HOXD13: variants seen among roughly 807,000 people sequenced by gnomAD.
HOXD13 encodes homeobox D13.
Under a neutral mutation model 27.3 loss-of-function variants are expected in HOXD13, and 16 were observed. That is an observed-to-expected ratio of 0.59 (90% CI 0.40 to 0.89). The LOEUF is 0.89. Among genes scored for constraint, HOXD13 ranks in the 40% least tolerant of loss-of-function variants. The probability of loss-of-function intolerance (pLI) is 0.00; values close to 1 mark genes in which losing one functional copy is unlikely to be tolerated. For missense variants in HOXD13, 481 were observed against 482.6 expected (o/e 1.00, Z 0.03); for synonymous variants, 241 against 219.0 (o/e 1.10, Z -0.89).
upstream of HOXD13, among the ~76,000 whole-genome samples, chr2:176,088,250 C>G (rs901715513): frequency 2.0e-5 from 3 of 152,268 alleles, no homozygotes; most frequent in Admixed American, 6.5e-5. Context: ...AGGGAAGACT[C>G]AGATTTCGAG....
upstream of HOXD13, among the ~76,000 whole-genome samples, chr2:176,090,224 C>T (rs1454854783): frequency 6.6e-6 from 1 of 152,214 alleles, no homozygotes; most frequent in Non-Finnish European, 1.5e-5. Context: ...GGCTGGGACC[C>T]CAAAGGCTAT....
chr2:176,092,897 C>A lies in HOXD13; in HGVS notation c.7C>A (p.Arg3Ser). MS[R>S]AGSWDMDGLR... is the part of the protein sequence containing the mutation. ...GGCCGGGCCAGGCCGGGCCATGAGC[C>A]GCGCCGGGAGCTGGGACATGGACGG... Residue 3 changes from arginine (R) to serine (S), a missense_variant, in exon 1 of 2, where the codon CGC (arginine) becomes AGC (serine). Transcript: ENST00000392539. 2 of 1,276,848 alleles carry A rather than the reference C, an allele frequency of 1.6e-6. No individual in the cohort carries two copies. Among genetic ancestry groups the A allele is most frequent in the Non-Finnish European group, 9.8e-7 (1 of 1,016,326 alleles). 79.1% of individuals were successfully genotyped at this position (1,276,848 alleles called of 1,614,324 possible).
At chr2:176,093,874 C>A (rs1402454807) in intron 1 of HOXD13, among the ~76,000 whole-genome samples, 1 of 152,192 alleles carries the variant, frequency 6.6e-6, no homozygotes, top group Non-Finnish European at 1.5e-5. Context: ...TCCGTCACTG[C>A]CCTTTCTTTC....
At position 176,094,589 on chromosome 2, in the gene HOXD13, T is replaced by C; in HGVS notation, c.891T>C (p.Ile297=). 1 of 1,614,096 alleles carries C rather than the reference T, an allele frequency of 6.2e-7. No homozygotes were observed. The highest frequency in any genetic ancestry group is 8.5e-7 in the Non-Finnish European group (1 of 1,179,984). Residue 297 remains isoleucine, a synonymous_variant, in exon 2 of 2, where the codon ATT becomes ATC. Transcript: ENST00000392539. ...QLKELENEYA[I]NKFINKDKRR... ...AAGAACTGGAGAACGAGTATGCCAT[T>C]AACAAATTCATTAACAAGGACAAGC... is the stretch of plus-strand genomic sequence containing the variant.
upstream of HOXD13, among the ~76,000 whole-genome samples, chr2:176,092,077 C>T (rs1349947862): frequency 6.6e-6 from 1 of 152,108 alleles, no homozygotes; most frequent in Non-Finnish European, 1.5e-5. Flanking sequence ...GCCGCCAGCC[C>T]CAAGGGCGCT....
In HOXD13 at chr2:176,093,168, C is replaced by T. The variant is rs746687888; in HGVS notation, c.278C>T (p.Ala93Val). ...TCTTCCTCGTCGTCGTCCTCTTCTG[C>T]CGTTGTAGCGGCGCGCCCGGAGGCT... ...TGSSSSSSSS[A>V]VVAARPEAPP... is the part of the protein sequence containing the mutation. Residue 93 changes from alanine (A) to valine (V), a missense_variant, in exon 1 of 2, where the codon GCC becomes GTC. Transcript: ENST00000392539. 2 of 1,608,220 alleles carry T rather than the reference C, an allele frequency of 1.2e-6. No individual in the cohort carries two copies. The highest frequency in any genetic ancestry group is 4.5e-5 in the East Asian group (2 of 44,822).
upstream of HOXD13, among the ~76,000 whole-genome samples, chr2:176,090,076 TAAAC>T (rs1054077929): frequency 3.9e-5 from 6 of 152,270 alleles, no homozygotes; most frequent in Non-Finnish European, 8.8e-5. Context: ...CATTAGTTCA[TAAAC>T]AAAGCAGCCC....
chr2:176,093,151 G>A lies in HOXD13; in HGVS notation c.261G>A (p.Ser87=), dbSNP rs1559107955. The part of the protein sequence containing the change: ...PGTSERTGSS[S]SSSSSAVVAA... ...CCTCTGAGCGCACGGGCTCTTCCTC[G>A]TCGTCGTCCTCTTCTGCCGTTGTAG... Residue 87 remains serine, a synonymous_variant, in exon 1 of 2, where the codon TCG becomes TCA. Coordinates refer to ENST00000392539, the MANE Select transcript of HOXD13 (RefSeq NM_000523.4). 1.2e-6 allele frequency: 2 copies of A among 1,606,760 alleles called. No individual in the cohort carries two copies. The highest frequency in any genetic ancestry group is 8.5e-7 in the Non-Finnish European group (1 of 1,179,414).
chr2:176,091,483 C>G (rs1282209077), upstream of HOXD13, among the ~76,000 whole-genome samples: 1 of 152,136 alleles, frequency 6.6e-6, no homozygotes, highest in Non-Finnish European at 1.5e-5. Context: ...GGCTGGAGCT[C>G]TGAGGCTGAG....
At position 176,093,005 on chromosome 2, in the gene HOXD13, C is replaced by A; in HGVS notation, c.115C>A (p.Gln39Lys). The A allele has an allele frequency of 7.2e-7, 1 of 1,385,646 alleles. No individual in the cohort carries two copies. Among genetic ancestry groups the A allele is most frequent in the Admixed American group, 3.4e-5 (1 of 29,704 alleles). The allele number at this position is 1,385,646 out of a possible 1,614,324, so 85.8% of individuals were successfully genotyped here. A position where few individuals can be genotyped will look rare whatever the true frequency, so the allele number is the denominator to read the frequency against. Residue 39 changes from glutamine to lysine, a missense_variant, in exon 1 of 2, where the codon CAG (glutamine) becomes AAG (lysine). Gln to Lys is a moderately conservative substitution (Grantham distance 53, BLOSUM62 1). Coordinates refer to ENST00000392539, the MANE Select transcript of HOXD13 (RefSeq NM_000523.4). ...SSVAAAAASG[Q>K]CRGFLSAPVF... The stretch of plus-strand genomic sequence containing the variant: ...GGTGGCGGCGGCGGCGGCGTCAGGC[C>A]AGTGCCGCGGCTTTCTCTCCGCGCC...
rs1689340020 is a variant in HOXD13, at chr2:176,092,776, G to A, written c.-115G>A. 1.6e-6 allele frequency: 1 copy of A among 634,074 alleles called. No homozygotes were observed. The highest frequency in any genetic ancestry group is 2.2e-6 in the Non-Finnish European group (1 of 450,712). 39.3% of individuals were successfully genotyped at this position (634,074 alleles called of 1,614,324 possible). ...GCTCACAGAGGGAGAGAGGGCTAGA[G>A]GAAGAGGGCGGGAGCGAGCGAACCA... On this transcript the variant is annotated 5_prime_UTR_variant, in exon 1 of 2. Coordinates refer to ENST00000392539, the MANE Select transcript of HOXD13 (RefSeq NM_000523.4).
chr2:176,092,760 G>C lies in HOXD13; in HGVS notation c.-131G>C. On this transcript the variant is annotated 5_prime_UTR_variant, in exon 1 of 2. Coordinates refer to ENST00000392539, the MANE Select transcript of HOXD13 (RefSeq NM_000523.4). ...GGGCCGGAGGCGGGAGGCTCACAGA[G>C]GGAGAGAGGGCTAGAGGAAGAGGGC... 1 of 520,426 alleles carries C rather than the reference G, an allele frequency of 1.9e-6. No individual in the cohort carries two copies. Among genetic ancestry groups the C allele is most frequent in the Non-Finnish European group, 2.9e-6 (1 of 347,138 alleles). 32.2% of individuals were successfully genotyped at this position (520,426 alleles called of 1,614,324 possible).
Position 176,093,094 on chromosome 2 carries a change from G to GCGGCA in HOXD13, c.204_205insCGGCA (p.Ala69ArgfsTer29), listed in dbSNP as rs1559107870. 57 of 1,426,080 alleles carry GCGGCA rather than the reference G, an allele frequency of 4.0e-5. No homozygotes were observed. The highest frequency in any genetic ancestry group is 4.9e-5 in the Non-Finnish European group (54 of 1,103,842). The allele number at this position is 1,426,080 out of a possible 1,614,324, so 88.3% of individuals were successfully genotyped here. ...CGGCAGCGGCGGCTGCGGCGGCGGC[G>GCGGCA]GCGGCAGCCTCCGGCTTTGCGTACC... On this transcript the variant is annotated frameshift_variant, in exon 1 of 2. Coordinates refer to ENST00000392539, the MANE Select transcript of HOXD13 (RefSeq NM_000523.4). LOFTEE classifies it high-confidence loss of function.
At position 176,093,138 on chromosome 2, in the gene HOXD13, C is replaced by G. The variant is rs369711414; in HGVS notation, c.248C>G (p.Thr83Arg). The G allele has an allele frequency of 1.2e-6, 2 of 1,605,040 alleles. No individual in the cohort carries two copies. Among genetic ancestry groups the G allele is most frequent in the African/African-American group, 2.7e-5 (2 of 74,876 alleles). ...GCGTACCCCGGGACCTCTGAGCGCA[C>G]GGGCTCTTCCTCGTCGTCGTCCTCT... Reference protein sequence around the residue: ...GFAYPGTSERTGSSSSSSSSA... With the variant: ...GFAYPGTSERRGSSSSSSSSA... The change falls in exon 1 of 2, where the codon ACG becomes AGG. Residue 83 changes from threonine (T) to arginine (R), a missense_variant. Thr to Arg is a moderately conservative substitution (Grantham distance 71). Coordinates refer to ENST00000392539, the MANE Select transcript of HOXD13 (RefSeq NM_000523.4).
rs1467183582 is a variant in HOXD13 at position 176,093,305 on chromosome 2, C to G, written c.415C>G (p.Arg139Gly). ...YHFGNGYYSC[R>G]MSHGVGLQQN... Reference sequence around the variant, plus strand: ...CTTCGGCAACGGCTACTACAGCTGCCGTATGTCGCACGGCGTGGGCTTACA... The same window carrying G: ...CTTCGGCAACGGCTACTACAGCTGCGGTATGTCGCACGGCGTGGGCTTACA... Residue 139 changes from arginine (R) to glycine (G), a missense_variant, in exon 1 of 2, where the codon CGT becomes GGT. By Grantham distance (125) the Arg-to-Gly change is moderately radical. Transcript: ENST00000392539. 6 of 1,612,580 alleles carry G rather than the reference C, an allele frequency of 3.7e-6. No individual in the cohort carries two copies. Among genetic ancestry groups the G allele is most frequent in the Non-Finnish European group, 5.1e-6 (6 of 1,179,798 alleles).
chr2:176,090,434 C>T (rs1435863307), upstream of HOXD13, among the ~76,000 whole-genome samples: 2 of 152,220 alleles, frequency 1.3e-5, no homozygotes, highest in East Asian at 1.9e-4. Flanking sequence ...TCTCCCACTC[C>T]TGCACAACTT....
At chr2:176,090,882 T>C (rs912137018), upstream of HOXD13, among the ~76,000 whole-genome samples, 1 of 152,362 alleles carries the variant, frequency 6.6e-6, no homozygotes, top group Middle Eastern at 3.4e-3. Flanking sequence ...TTGGCCTTTT[T>C]AAAATGCTGG....
In HOXD13 at chr2:176,093,555, C is replaced by T; in HGVS notation, c.665C>T (p.Ala222Val). ...GGCTCCGGGGAGCCTCGGCACGAGG[C>T]CTACATCTCCATGGAGGGGTACCAG... ...TFGSGEPRHE[A>V]YISMEGYQSW... Residue 222 changes from alanine (A) to valine (V), a missense_variant, in exon 1 of 2, where the codon GCC becomes GTC. Coordinates refer to ENST00000392539, the MANE Select transcript of HOXD13 (RefSeq NM_000523.4). The T allele has an allele frequency of 6.2e-7, 1 of 1,613,854 alleles. No individual in the cohort carries two copies. Among genetic ancestry groups the T allele is most frequent in the Non-Finnish European group, 8.5e-7 (1 of 1,179,930 alleles).
At chr2:176,088,229 T>C (rs1689270818), upstream of HOXD13, among the ~76,000 whole-genome samples, 1 of 152,240 alleles carries the variant, frequency 6.6e-6, no homozygotes, top group African/African-American at 2.4e-5. Context: ...GGGTGCAGGT[T>C]TCGCTGCATA....
Sources: allele counts gnomAD v4.1 joint callset (sites outside exome capture counted in the v4.1 genomes callset), GRCh38; gene constraint gnomAD v4.1.1; transcripts MANE v1.5; gene names NCBI Gene and HGNC (gene_info 2026-07-23, HGNC 2026-07-21).